Variants in SPON1 observed in about 807,000 individuals in gnomAD.
The protein encoded by SPON1 is spondin 1, also known as spondin-1.
Under a neutral mutation model 111.7 loss-of-function variants are expected in SPON1, and 52 were observed. The observed-to-expected ratio is 0.47, with a 90% CI of 0.37 to 0.59. The LOEUF (loss-of-function observed/expected upper bound fraction) is 0.59. SPON1 is among the 20% of genes least tolerant of loss of function. The pLI, the probability that SPON1 is intolerant of heterozygous loss-of-function variation, is 0.00. For missense variants in SPON1, 957 were observed against 1,068.5 expected (o/e 0.90, Z 1.46); for synonymous variants, 410 against 395.8 (o/e 1.04, Z -0.43).
chr11:13,971,452 G>A (rs1338770487), intron 1 of SPON1, among the ~76,000 whole-genome samples: 1 of 152,152 alleles, frequency 6.6e-6, no homozygotes, highest in East Asian at 1.9e-4. Context: ...ACATTCCCTA[G>A]AACCAGCACA....
intron 8 of SPON1, 103 bp from the exon 9 acceptor site, chr11:14,255,544 T>C: frequency 9.5e-7 from 1 of 1,055,022 alleles, no homozygotes; most frequent in Non-Finnish European, 1.4e-6. Flanking sequence ...TTATGCTTGT[T>C]AAATTCCTAT....
chr11:13,986,277 G>A (rs1554910324), intron 2 of SPON1, among the ~76,000 whole-genome samples: 1 of 152,098 alleles, frequency 6.6e-6, no homozygotes, highest in African/African-American at 2.4e-5. Flanking sequence ...TATATATAGT[G>A]ATTTAACAAA....
chr11:14,254,423 G>A (rs1849084566), intron 7 of SPON1, 105 bp from the exon 8 acceptor site: 1 of 1,041,000 alleles, frequency 9.6e-7, no homozygotes. Context: ...CACGAATGTG[G>A]ATACTCTCTG....
chr11:13,968,325 C>G (rs1356456032), intron 1 of SPON1, among the ~76,000 whole-genome samples: 1 of 152,162 alleles, frequency 6.6e-6, no homozygotes, highest in Non-Finnish European at 1.5e-5. Context: ...AGGAACCAGG[C>G]TCCTTCTACC....
At chr11:14,117,168 T>C (rs1849272789) in intron 5 of SPON1, among the ~76,000 whole-genome samples, 2 of 152,184 alleles carry the variant, frequency 1.3e-5, no homozygotes, top group South Asian at 2.1e-4. Context: ...CTAATCTTTA[T>C]AGCTTCTCTT....
chr11:14,045,351 C>T (rs2133815657), intron 3 of SPON1, among the ~76,000 whole-genome samples: 1 of 152,224 alleles, frequency 6.6e-6, no homozygotes, highest in Non-Finnish European at 1.5e-5. Context: ...GAGAGGGGGG[C>T]AGATCGCCTG....
intron 1 of SPON1, among the ~76,000 whole-genome samples, chr11:13,970,847 C>T (rs1848057967): frequency 6.6e-6 from 1 of 152,214 alleles, no homozygotes; most frequent in Admixed American, 6.5e-5. Context: ...GCCTTAAACA[C>T]TCTCTGAAAT....
rs1201458255 is a variant in SPON1 at position 14,038,840 on chromosome 11, C to T, written c.346-2681C>T. Among the ~76,000 whole-genome samples, 3 of 152,306 alleles carry T rather than the reference C, an allele frequency of 2.0e-5. No individual in the cohort carries two copies. The East Asian group carries it at 5.8e-4, about 29-fold the overall frequency. ...TGCCATATGATCCAGCAATTGTGCT[C>T]TTTGGTATTTACCCAAATGAACTAA... On this transcript the variant is annotated intron_variant, in intron 2 of 15. Coordinates refer to ENST00000576479, the MANE Select transcript of SPON1 (RefSeq NM_006108.4).
At chr11:14,176,670 A>G (rs1848179162) in intron 6 of SPON1, among the ~76,000 whole-genome samples, 1 of 152,144 alleles carries the variant, frequency 6.6e-6, no homozygotes, top group Non-Finnish European at 1.5e-5. Flanking sequence ...TCTCAGGACT[A>G]TTTCTCCATT....
intron 6 of SPON1, among the ~76,000 whole-genome samples, chr11:14,189,008 G>A (rs1177902838): frequency 6.6e-6 from 1 of 152,172 alleles, no homozygotes; most frequent in Non-Finnish European, 1.5e-5. Context: ...CTTTCCAAAT[G>A]TTTTCCACTG....
At chr11:13,978,823 C>G (rs1591338353) in intron 1 of SPON1, among the ~76,000 whole-genome samples, 1 of 152,074 alleles carries the variant, frequency 6.6e-6, no homozygotes, top group Middle Eastern at 3.2e-3. Flanking sequence ...TTTCAGGAAA[C>G]TTCTAGAGAG....
chr11:14,066,371 T>C (rs530289519), intron 3 of SPON1, among the ~76,000 whole-genome samples: 1 of 152,172 alleles, frequency 6.6e-6, no homozygotes, highest in South Asian at 2.1e-4. Context: ...AAGAAAACCA[T>C]TAAGGGTCAA....
intron 6 of SPON1, among the ~76,000 whole-genome samples, chr11:14,239,211 T>C (rs1848897628): frequency 6.6e-6 from 1 of 152,182 alleles, no homozygotes; most frequent in Non-Finnish European, 1.5e-5. Flanking sequence ...CCAGTCTCTG[T>C]ACTCAGGCAG....
chr11:14,028,783 CAG>C (rs1848537773), intron 2 of SPON1, among the ~76,000 whole-genome samples: 1 of 152,170 alleles, frequency 6.6e-6, no homozygotes, highest in Non-Finnish European at 1.5e-5. Context: ...TGTGTACTCA[CAG>C]AGAGTTGGGT....
chr11:14,152,467 T>C (rs143204904), intron 6 of SPON1, among the ~76,000 whole-genome samples: 214 of 152,340 alleles, frequency 1.4e-3, no homozygotes, highest in African/African-American at 5.0e-3. Flanking sequence ...GGGCAGCCTG[T>C]TCATTGATAG....
chr11:14,246,205 T>A (rs1360284129), intron 7 of SPON1, among the ~76,000 whole-genome samples: 2 of 152,008 alleles, frequency 1.3e-5, no homozygotes, highest in Non-Finnish European at 2.9e-5. Context: ...AAACTGCAAA[T>A]CAAAGCACAT....
intron 2 of SPON1, among the ~76,000 whole-genome samples, chr11:14,013,984 T>TA (rs1205480187): frequency 6.6e-6 from 1 of 151,728 alleles, no homozygotes; most frequent in Non-Finnish European, 1.5e-5. Flanking sequence ...GAAAGGGGAG[T>TA]ATTAAACATA....
chr11:14,008,094 C>A (rs1192592335), intron 2 of SPON1, among the ~76,000 whole-genome samples: 3 of 151,990 alleles, frequency 2.0e-5, no homozygotes, highest in Non-Finnish European at 4.4e-5. Context: ...GGTTCTGCAT[C>A]CACTGATTCA....
intron 2 of SPON1, among the ~76,000 whole-genome samples, chr11:14,033,968 C>A (rs142996939): frequency 6.6e-6 from 1 of 152,084 alleles, no homozygotes; most frequent in Non-Finnish European, 1.5e-5. Context: ...TTTATTTAAA[C>A]CTATATATAA....
Sources: gnomAD v4.1 joint callset for allele counts (sites outside exome capture counted in the v4.1 genomes callset) on GRCh38, gnomAD v4.1.1 for gene constraint, MANE v1.5 for transcripts, NCBI Gene and HGNC (gene_info 2026-07-23, HGNC 2026-07-21) for gene names.